PDZD9: variants seen among roughly 807,000 people sequenced by gnomAD.
PDZD9 encodes the protein PDZ domain containing 9, also known as PDZ domain-containing protein 9.
In PDZD9, 13 loss-of-function variants were observed where a neutral mutation model predicts 16.3. That is an observed-to-expected ratio of 0.80 (90% CI 0.52 to 1.27). The LOEUF (loss-of-function observed/expected upper bound fraction) is 1.27. Among genes scored for constraint, PDZD9 ranks in the 50% most tolerant of loss-of-function variants. PDZD9 has a pLI of 0.00. For synonymous variants in PDZD9, 120 were observed against 111.0 expected (o/e 1.08, Z -0.51); for missense variants, 288 against 310.9 (o/e 0.93, Z 0.55).
the PDZD9 span, among the ~76,000 whole-genome samples, chr16:21,972,873 G>A: frequency 6.6e-6 from 1 of 152,178 alleles, no homozygotes. Context: ...AGGCCAAGTT[G>A]GGCGGATCAC....
chr16:21,960,787 G>A, the PDZD9 span, among the ~76,000 whole-genome samples: 2 of 152,212 alleles, frequency 1.3e-5, no homozygotes, highest in African/African-American at 4.8e-5. Context: ...TTGGGGAGCA[G>A]CTGGTCAGTG....
At chr16:21,983,212 C>A, downstream of PDZD9, 1 of 1,553,208 alleles carries the variant, frequency 6.4e-7, no homozygotes, top group Non-Finnish European at 8.8e-7. Context: ...AACGTTCTCT[C>A]AGCCCAGAGC....
chr16:21,988,093 C>T (rs1567485479), intron 3 of PDZD9, among the ~76,000 whole-genome samples: 1 of 150,476 alleles, frequency 6.6e-6, no homozygotes, highest in African/African-American at 2.5e-5. Flanking sequence ...CTGCAACCTC[C>T]GACTCCCTGA....
At chr16:21,963,083 G>C in the PDZD9 span, 1 of 501,808 alleles carries the variant, frequency 2.0e-6, no homozygotes, top group Non-Finnish European at 3.2e-6. Flanking sequence ...CCAGCTCCCG[G>C]GTTCAAGCAA....
At chr16:21,976,481 CAGGAGTTTGAGA>C in the PDZD9 span, 1 of 397,874 alleles carries the variant, frequency 2.5e-6, no homozygotes, top group Non-Finnish European at 4.6e-6. Flanking sequence ...CATTTGAGAC[CAGGAGTTTGAGA>C]CCAGCTTGGG....
chr16:21,974,028 C>A, the PDZD9 span: 1 of 1,464,872 alleles, frequency 6.8e-7, no homozygotes, highest in East Asian at 2.4e-5. Flanking sequence ...TTTCTCCCCC[C>A]CGCCATAAAC....
At chr16:21,979,284 C>A (rs1244933342), downstream of PDZD9, among the ~76,000 whole-genome samples, 1 of 152,146 alleles carries the variant, frequency 6.6e-6, no homozygotes, top group Non-Finnish European at 1.5e-5. Context: ...CCCCAACTTG[C>A]CATGGATCAA....
chr16:21,980,631 T>A (rs1220715961), downstream of PDZD9: 7 of 1,614,224 alleles, frequency 4.3e-6, no homozygotes, highest in Non-Finnish European at 5.9e-6. Context: ...CTCTAGTTGC[T>A]GGTTCTTACA....
chr16:21,988,331 G>T (rs1312453053), intron 3 of PDZD9, among the ~76,000 whole-genome samples: 1 of 152,030 alleles, frequency 6.6e-6, no homozygotes, highest in Non-Finnish European at 1.5e-5. Context: ...TTTAAGGGCT[G>T]ACTCGGGAAA....
the PDZD9 span, among the ~76,000 whole-genome samples, chr16:21,961,020 G>T: frequency 6.6e-6 from 1 of 152,036 alleles, no homozygotes; most frequent in Non-Finnish European, 1.5e-5. Context: ...TGTACAAATG[G>T]AGGTCTCACT....
intron 1 of PDZD9, among the ~76,000 whole-genome samples, chr16:21,997,681 A>G (rs1300621502): frequency 2.6e-5 from 4 of 152,252 alleles, no homozygotes; most frequent in Non-Finnish European, 4.4e-5. Context: ...TGTTTTCTAC[A>G]GAACCAAATC....
the PDZD9 span, among the ~76,000 whole-genome samples, chr16:21,978,726 C>T: frequency 1.3e-5 from 2 of 152,160 alleles, no homozygotes; most frequent in East Asian, 3.8e-4. Flanking sequence ...ACTTGGTGAA[C>T]TGAAGAAATA....
chr16:21,992,687 C>T (rs971724569), intron 2 of PDZD9, among the ~76,000 whole-genome samples: 1 of 152,290 alleles, frequency 6.6e-6, no homozygotes, highest in African/African-American at 2.4e-5. Context: ...AGTGTTTTGC[C>T]AGGGTTTCTC....
chr16:21,958,100 C>G, the PDZD9 span, among the ~76,000 whole-genome samples: 15 of 152,250 alleles, frequency 9.9e-5, no homozygotes, highest in South Asian at 2.1e-4. Flanking sequence ...GGGGGGAACA[C>G]TGTTAAACCC....
chr16:21,974,845 A>G, the PDZD9 span, among the ~76,000 whole-genome samples: 4 of 152,228 alleles, frequency 2.6e-5, no homozygotes, highest in African/African-American at 9.6e-5. Context: ...CAGACAGGCT[A>G]ATATTGGAAG....
chr16:21,968,690 G>C, the PDZD9 span: 2 of 1,605,258 alleles, frequency 1.2e-6, no homozygotes, highest in East Asian at 4.5e-5. Flanking sequence ...GACTTGGTAA[G>C]TTTAGAGTAT....
At chr16:21,961,626 TTATATATATATATATA>T in the PDZD9 span, among the ~76,000 whole-genome samples, 8,880 of 64,502 alleles carry the variant, frequency 0.14, 952 homozygotes, top group South Asian at 0.43. Flanking sequence ...AACATAAAAT[TTATATATATATATATA>T]TATATATATA....
the PDZD9 span, chr16:21,962,627 G>T: frequency 6.3e-7 from 1 of 1,590,276 alleles, no homozygotes; most frequent in African/African-American, 1.3e-5. Context: ...TTGGATTATT[G>T]TTCATAAACT....
At chr16:21,967,067 A>T in the PDZD9 span, among the ~76,000 whole-genome samples, 1 of 152,214 alleles carries the variant, frequency 6.6e-6, no homozygotes, top group African/African-American at 2.4e-5. Flanking sequence ...CAAGATGTTA[A>T]CTGTGATAAC....
Sources: gnomAD v4.1 joint callset for allele counts (sites outside exome capture counted in the v4.1 genomes callset) on GRCh38, gnomAD v4.1.1 for gene constraint, MANE v1.5 for transcripts, NCBI Gene and HGNC (gene_info 2026-07-23, HGNC 2026-07-21) for gene names.